The following USH2A variants were observed in gnomAD, a reference collection of about 807,000 sequenced individuals.
USH2A encodes the protein usherin, also known as Usher syndrome 2A (autosomal recessive, mild).
In USH2A, 443 loss-of-function variants were observed where a neutral mutation model predicts 538.9. The observed-to-expected ratio is 0.82, with a 90% confidence interval of 0.76 to 0.89. The LOEUF is 0.89. Among genes scored for constraint, USH2A ranks in the 40% least tolerant of loss-of-function variants. USH2A has a pLI of 0.00. For synonymous variants in USH2A, 2,413 were observed against 2,273.5 expected, an observed-to-expected ratio of 1.06 and a Z score of -1.75; for missense variants, 6,633 against 6,324.8, an observed-to-expected ratio of 1.05 and a Z score of -1.65.
rs184469498 is a variant in USH2A, at chr1:216,123,400, A to C, written c.4628-26187T>G. Among the ~76,000 whole-genome samples, 695 of 152,336 alleles carry C rather than the reference A, an allele frequency of 4.6e-3. 4 individuals are homozygous for C. Among genetic ancestry groups the C allele is most frequent in the African/African-American group, 0.016 (658 of 41,576 alleles). On this transcript the variant is annotated intron_variant, in intron 21 of 71. Transcript: ENST00000307340. ...GGTCATGTTCATCAGCTAGTTGATT[A>C]ATGTTATCTATGACATATGTTCGGG...
intron 14 of USH2A, among the ~76,000 whole-genome samples, chr1:216,224,627 T>G (rs539355129): frequency 6.6e-6 from 1 of 152,330 alleles, no homozygotes; most frequent in South Asian, 2.1e-4. Context: ...GGATTTTTGT[T>G]GTTGGTTGTG....
At chr1:216,007,968 C>A (rs953428961) in intron 32 of USH2A, among the ~76,000 whole-genome samples, 3 of 152,170 alleles carry the variant, frequency 2.0e-5, no homozygotes, top group Admixed American at 6.5e-5. Flanking sequence ...TTTATGAATG[C>A]CACATACTCA....
intron 38 of USH2A, among the ~76,000 whole-genome samples, chr1:215,908,495 T>C (rs1186175286): frequency 6.6e-6 from 1 of 151,902 alleles, no homozygotes; most frequent in East Asian, 1.9e-4. Context: ...TGATATAAAC[T>C]TTAAAGATTA....
chr1:215,932,097 G>C (rs1348595281), intron 38 of USH2A, among the ~76,000 whole-genome samples: 1 of 151,870 alleles, frequency 6.6e-6, no homozygotes, highest in Non-Finnish European at 1.5e-5. Context: ...CATAGCTAAG[G>C]ATATTATCAT....
Position 216,377,843 on chromosome 1 carries a change from GAAAGAAA to G in USH2A, c.652-12765_652-12759del, listed in dbSNP as rs1558061779. On this transcript the variant is annotated intron_variant, in intron 3 of 71. Coordinates refer to ENST00000307340, the MANE Select transcript of USH2A (RefSeq NM_206933.4). Reference sequence around the variant, plus strand: ...AGAAAGAAAGAAAGAAAGAAAGAAAGAAAGAAAGAAAGAAAGAAAGAAAGAAGGAAAG... The same window carrying G: ...AGAAAGAAAGAAAGAAAGAAAGAAAGGAAAGAAAGAAAGAAAGAAGGAAAG... 2.3e-5 allele frequency among the ~76,000 whole-genome samples: 3 copies of G among 129,084 alleles called. No homozygotes were observed. The Admixed American group carries it at 2.4e-4, about 10-fold the overall frequency. 84.7% of individuals were successfully genotyped at this position (129,084 alleles called of 152,430 possible).
At chr1:216,215,595 T>A (rs2035327976) in intron 15 of USH2A, among the ~76,000 whole-genome samples, 1 of 152,146 alleles carries the variant, frequency 6.6e-6, no homozygotes, top group Admixed American at 6.6e-5. Context: ...GTCTCATTTG[T>A]TTCTAATAAA....
intron 19 of USH2A, among the ~76,000 whole-genome samples, chr1:216,192,461 G>A (rs185450795): frequency 3.3e-5 from 5 of 152,114 alleles, no homozygotes; most frequent in African/African-American, 9.6e-5. Context: ...GGAGACCGAG[G>A]CGGGTGGATC....
Position 216,079,792 on chromosome 1 carries a change from GA to G in USH2A, c.5299-1431del, listed in dbSNP as rs1254313086. Among the ~76,000 whole-genome samples, 7 of 152,198 alleles carry G rather than the reference GA, an allele frequency of 4.6e-5. 1 individual carries two copies. In the East Asian group the frequency reaches 1.4e-3, roughly 29 times the overall value. On this transcript the variant is annotated intron_variant, in intron 26 of 71. Transcript: ENST00000307340. The stretch of plus-strand genomic sequence containing the variant: ...TGCATTAGGAAATCCATTTAATTGT[GA>G]AAACATATTGAGAGTCATTAAAATA...
intron 41 of USH2A, among the ~76,000 whole-genome samples, chr1:215,882,342 C>G (rs781645191): frequency 6.6e-6 from 1 of 152,088 alleles, no homozygotes; most frequent in Non-Finnish European, 1.5e-5. Flanking sequence ...TATTTGACTC[C>G]GTACAGTGTA....
intron 35 of USH2A, among the ~76,000 whole-genome samples, chr1:215,991,009 C>G (rs750437827): frequency 7.2e-5 from 11 of 152,064 alleles, no homozygotes; most frequent in East Asian, 1.9e-4. Flanking sequence ...GATCCACCCC[C>G]CTCAGCCTCC....
chr1:215,858,396 G>A (rs1664227173), intron 44 of USH2A, among the ~76,000 whole-genome samples: 1 of 151,188 alleles, frequency 6.6e-6, no homozygotes, highest in Non-Finnish European at 1.5e-5. Flanking sequence ...TACGGGGGTG[G>A]TTTCCCCCAC....
chr1:216,283,168 G>A (rs1285050752), intron 11 of USH2A, among the ~76,000 whole-genome samples: 2 of 151,926 alleles, frequency 1.3e-5, no homozygotes, highest in African/African-American at 4.8e-5. Flanking sequence ...CTCACTGCAA[G>A]CTCCACCTCC....
chr1:215,626,226 A>T (rs1458238316), intron 71 of USH2A, among the ~76,000 whole-genome samples: 1 of 150,188 alleles, frequency 6.7e-6, no homozygotes, highest in Non-Finnish European at 1.5e-5. Context: ...GTATATATAT[A>T]TATTTTTAGT....
At chr1:216,094,997 T>C (rs2032406173) in intron 22 of USH2A, among the ~76,000 whole-genome samples, 1 of 152,032 alleles carries the variant, frequency 6.6e-6, no homozygotes, top group South Asian at 2.1e-4. Flanking sequence ...TATGTGTGTA[T>C]GTAAGTGTAC....
chr1:215,975,386 T>C (rs1667597445), intron 35 of USH2A, among the ~76,000 whole-genome samples: 2 of 152,250 alleles, frequency 1.3e-5, no homozygotes, highest in South Asian at 4.1e-4. Flanking sequence ...TGGTCATAAG[T>C]TCTTTCCCAA....
intron 56 of USH2A, among the ~76,000 whole-genome samples, chr1:215,763,554 G>A (rs960182015): frequency 7.9e-5 from 12 of 152,162 alleles, no homozygotes; most frequent in African/African-American, 2.7e-4. Flanking sequence ...GCACTGCATG[G>A]CATGTGGGGA....
At chr1:216,368,596 G>A (rs753594773) in intron 3 of USH2A, among the ~76,000 whole-genome samples, 14 of 152,126 alleles carry the variant, frequency 9.2e-5, no homozygotes, top group Non-Finnish European at 1.8e-4. Flanking sequence ...ACACCAACAA[G>A]AGTTAAGTCA....
intron 32 of USH2A, among the ~76,000 whole-genome samples, chr1:216,028,990 A>G (rs1669031345): frequency 6.6e-6 from 1 of 152,156 alleles, no homozygotes; most frequent in Non-Finnish European, 1.5e-5. Context: ...TGTCTGGTAG[A>G]TAAAATTGTG....
rs2034041577 is a variant in USH2A, at chr1:216,160,744, A to G, written c.4627+14508T>C. ...TATGACAACACTTATAAAATGTCAC[A>G]TGTTTTATATACAGATGTAATTGTT... is the stretch of plus-strand genomic sequence containing the variant. On this transcript the variant is annotated intron_variant, in intron 21 of 71. Coordinates refer to ENST00000307340, the MANE Select transcript of USH2A (RefSeq NM_206933.4). Among the ~76,000 whole-genome samples the G allele has an allele frequency of 2.0e-5, 3 of 149,514 alleles. 1 individual carries two copies. In the South Asian group the frequency reaches 6.4e-4, roughly 32 times the overall value.
Sources: allele counts gnomAD v4.1 joint callset (sites outside exome capture counted in the v4.1 genomes callset), GRCh38; gene constraint gnomAD v4.1.1; transcripts MANE v1.5; gene names NCBI Gene and HGNC (gene_info 2026-07-23, HGNC 2026-07-21).